TRIM67: variants seen among roughly 807,000 people sequenced by gnomAD.
TRIM67 encodes tripartite motif-containing protein 67.
TRIM67 carries 39 observed loss-of-function variants against 71.0 expected under a neutral mutation model. The observed-to-expected ratio is 0.55, with a 90% CI of 0.43 to 0.72. The LOEUF (loss-of-function observed/expected upper bound fraction) is 0.72. TRIM67 is among the 30% of genes least tolerant of loss of function. The pLI, the probability that TRIM67 is intolerant of heterozygous loss-of-function variation, is 0.00. For synonymous variants in TRIM67, 481 were observed against 473.9 expected (o/e 1.01, Z -0.19); for missense variants, 973 against 1,079.2 (o/e 0.90, Z 1.38).
chr1:231,190,772 G>A lies in TRIM67; in HGVS notation c.1045-6599G>A, dbSNP rs998073325. Among the ~76,000 whole-genome samples, 3 of 152,288 alleles carry A rather than the reference G, an allele frequency of 2.0e-5. No homozygotes were observed. The East Asian group carries it at 5.8e-4, about 29-fold the overall frequency. On this transcript the variant is annotated intron_variant, in intron 1 of 9. Transcript: ENST00000366653. ...GGACTGGGAGCGGGGAAGCCGGTGGGGTTGGGGAATCCGGGAGGTCTGGCT... is the reference window on the plus strand; with the variant it reads ...GGACTGGGAGCGGGGAAGCCGGTGGAGTTGGGGAATCCGGGAGGTCTGGCT...
In TRIM67 at chr1:231,219,564, G is replaced by T. The variant is rs1571910656; in HGVS notation, c.*4124G>T. ...AACAGATGCCAACCTGTTGGGTCTTGAATTTTCACTCACTGAAGATGCCCC... is the reference window on the plus strand; with the variant it reads ...AACAGATGCCAACCTGTTGGGTCTTTAATTTTCACTCACTGAAGATGCCCC... On this transcript the variant is annotated 3_prime_UTR_variant, in exon 10 of 10. Transcript: ENST00000366653. 1 of 1,104,004 alleles carries T rather than the reference G, an allele frequency of 9.1e-7. No individual in the cohort carries two copies. Among genetic ancestry groups the T allele is most frequent in the Non-Finnish European group, 1.1e-6 (1 of 900,216 alleles). 68.4% of individuals were successfully genotyped at this position (1,104,004 alleles called of 1,614,324 possible). A position where few individuals can be genotyped will look rare whatever the true frequency, so the allele number is the denominator to read the frequency against.
intron 1 of TRIM67, chr1:231,186,249 C>G: frequency 7.8e-7 from 1 of 1,280,764 alleles, no homozygotes; most frequent in East Asian, 2.5e-5. Context: ...CTGGCAAAAG[C>G]AGGATTTCTT....
At chr1:231,192,236 G>A (rs1268716090) in intron 1 of TRIM67, among the ~76,000 whole-genome samples, 1 of 151,948 alleles carries the variant, frequency 6.6e-6, no homozygotes, top group Admixed American at 6.6e-5. Flanking sequence ...TTGATACAGG[G>A]TCTCGCCCTG....
intron 1 of TRIM67, chr1:231,186,002 C>A: frequency 2.3e-6 from 3 of 1,285,842 alleles, no homozygotes; most frequent in African/African-American, 1.5e-5. Flanking sequence ...GGTGGGTCTT[C>A]TGGAAGATAG....
At chr1:231,177,411 T>C (rs1682783996) in intron 1 of TRIM67, among the ~76,000 whole-genome samples, 1 of 152,200 alleles carries the variant, frequency 6.6e-6, no homozygotes, top group Non-Finnish European at 1.5e-5. Context: ...GATGAGAACC[T>C]CCCCTGGCTT....
intron 6 of TRIM67, among the ~76,000 whole-genome samples, chr1:231,204,255 A>G (rs1683634975): frequency 6.6e-6 from 1 of 151,928 alleles, no homozygotes. Flanking sequence ...TCCTGCACCC[A>G]CCTCCTTTCC....
At chr1:231,179,952 G>T (rs565670640) in intron 1 of TRIM67, among the ~76,000 whole-genome samples, 1 of 152,126 alleles carries the variant, frequency 6.6e-6, no homozygotes, top group Non-Finnish European at 1.5e-5. Context: ...GAGATGGCAG[G>T]TTTCAAAGGG....
chr1:231,208,298 C>A (rs866273353), intron 7 of TRIM67, among the ~76,000 whole-genome samples: 2 of 151,998 alleles, frequency 1.3e-5, no homozygotes, highest in Non-Finnish European at 2.9e-5. Context: ...CTCAGCCTCC[C>A]GAGTGGCTGG....
Position 231,163,723 on chromosome 1 carries a change from C to T in TRIM67, c.754C>T (p.Gln252Ter), listed in dbSNP as rs1210613716. The change falls in exon 1 of 10, where the codon CAG becomes TAG. Residue 252 changes from glutamine to a stop codon, truncating the protein, a stop_gained. Coordinates refer to ENST00000366653, the MANE Select transcript of TRIM67 (RefSeq NM_001004342.5). LOFTEE classifies it high-confidence loss of function. ...ACCCTTCGCCAAGCATCGCCTGGTG[C>T]AGCCGCCGCCGCCGCCGCCGCCGCC... is the stretch of plus-strand genomic sequence containing the variant. ...RGPFAKHRLVQPPPPPPPPAE... is the reference protein window; with the variant it reads ...RGPFAKHRLV The T allele has an allele frequency of 6.7e-7, 1 of 1,497,416 alleles. No individual in the cohort carries two copies. The highest frequency in any genetic ancestry group is 8.9e-7 in the Non-Finnish European group (1 of 1,124,478). 92.8% of individuals were successfully genotyped at this position (1,497,416 alleles called of 1,614,324 possible).
intron 1 of TRIM67, chr1:231,185,007 G>C: frequency 6.5e-7 from 1 of 1,532,730 alleles, no homozygotes; most frequent in Non-Finnish European, 8.7e-7. Flanking sequence ...CGGCAGGTTG[G>C]GGAGGGTCAG....
intron 5 of TRIM67, among the ~76,000 whole-genome samples, chr1:231,202,251 AG>A (rs1683571481): frequency 3.3e-4 from 1 of 3,022 alleles, no homozygotes; most frequent in Non-Finnish European, 7.4e-4. Flanking sequence ...GGGGTAGTGG[AG>A]AAGGAGGAGG....
Position 231,163,320 on chromosome 1 carries a change from G to C in TRIM67, c.351G>C (p.Pro117=). The C allele has an allele frequency of 6.6e-7, 1 of 1,521,430 alleles. No homozygotes were observed. Among genetic ancestry groups the C allele is most frequent in the Non-Finnish European group, 8.8e-7 (1 of 1,133,390 alleles). The allele number at this position is 1,521,430 out of a possible 1,614,324, so 94.2% of individuals were successfully genotyped here. The change falls in exon 1 of 10, where the codon CCG becomes CCC. Residue 117 remains proline, a synonymous_variant. Coordinates refer to ENST00000366653, the MANE Select transcript of TRIM67 (RefSeq NM_001004342.5). ...ETDSGYGSYT[P]SLKSPNGVRV... ...ACAGCGGCTACGGGTCCTACACCCC[G>C]AGCCTCAAGTCCCCCAACGGGGTTC...
intron 1 of TRIM67, among the ~76,000 whole-genome samples, chr1:231,171,516 C>T (rs912672791): frequency 1.4e-4 from 22 of 152,024 alleles, no homozygotes; most frequent in African/African-American, 5.3e-4. Flanking sequence ...GGGGGTGCTG[C>T]CCAGGTAGTG....
Position 231,180,505 on chromosome 1 carries a change from C to A in TRIM67, c.1044+16492C>A, listed in dbSNP as rs375372615. 8.5e-5 allele frequency among the ~76,000 whole-genome samples: 13 copies of A among 152,228 alleles called. No homozygotes were observed. The South Asian group carries it at 2.7e-3, about 32-fold the overall frequency. The stretch of plus-strand genomic sequence containing the variant: ...AGCGTGCTAGTCTCCCTCTCCTGCA[C>A]CCCCCTTCAGATACTGTTCTACCCT... On this transcript the variant is annotated intron_variant, in intron 1 of 9. Coordinates refer to ENST00000366653, the MANE Select transcript of TRIM67 (RefSeq NM_001004342.5).
At position 231,217,179 on chromosome 1, in the gene TRIM67, G is replaced by A. The variant is rs1684035322; in HGVS notation, c.*1739G>A. The A allele has an allele frequency of 1.0e-6, 1 of 985,934 alleles. No homozygotes were observed. The highest frequency in any genetic ancestry group is 1.2e-6 in the Non-Finnish European group (1 of 830,074). 61.1% of individuals were successfully genotyped at this position (985,934 alleles called of 1,614,324 possible). A position where few individuals can be genotyped will look rare whatever the true frequency, so the allele number is the denominator to read the frequency against. The stretch of plus-strand genomic sequence containing the variant: ...TGCTCTTGGTCTGCAAGGCTGCTTG[G>A]TCCGCTGTCTCTGCAGATGTGGCCG... On this transcript the variant is annotated 3_prime_UTR_variant, in exon 10 of 10. Transcript: ENST00000366653.
intron 1 of TRIM67, among the ~76,000 whole-genome samples, chr1:231,193,550 C>CTCTCTCTCTCTCTCTCTCT (rs58450029): frequency 7.0e-5 from 10 of 142,568 alleles, no homozygotes; most frequent in African/African-American, 7.8e-5. Context: ...CTCTCTCTCT[C>CTCTCTCTCTCTCTCTCTCT]CTCTTGGTGC....
chr1:231,209,499 C>T lies in TRIM67; in HGVS notation c.2123+249C>T, dbSNP rs376121330. 1.8e-4 allele frequency among the ~76,000 whole-genome samples: 28 copies of T among 152,360 alleles called. 1 individual carries two copies. In the South Asian group the frequency reaches 5.6e-3, roughly 30 times the overall value. ...CAGATGGGTCTCCCAAGTTACCCAG[C>T]GGGCCACACGGTGGTCCTCTGCTGG... On this transcript the variant is annotated intron_variant, in intron 8 of 9. Transcript: ENST00000366653. The surrounding 1 kb of genome is among the most constrained non-coding windows in gnomAD (Gnocchi z 4.1).
At chr1:231,168,451 T>C (rs1018256799) in intron 1 of TRIM67, among the ~76,000 whole-genome samples, 2 of 152,262 alleles carry the variant, frequency 1.3e-5, no homozygotes, top group Non-Finnish European at 2.9e-5. Flanking sequence ...TTTCTAGATA[T>C]GGAATTGCTA....
intron 6 of TRIM67, among the ~76,000 whole-genome samples, chr1:231,206,270 AAT>A (rs548111843): frequency 1.8e-3 from 261 of 147,358 alleles, no homozygotes; most frequent in African/African-American, 4.8e-3. Context: ...TCTCTACTAA[AAT>A]ATATATATAT....
Sources: allele counts gnomAD v4.1 joint callset (sites outside exome capture counted in the v4.1 genomes callset), GRCh38; gene constraint gnomAD v4.1.1; non-coding constraint Gnocchi (gnomAD v3.1); transcripts MANE v1.5; gene names NCBI Gene and HGNC (gene_info 2026-07-23, HGNC 2026-07-21).